The following CAMK2A variants were observed in gnomAD, a reference collection of about 807,000 sequenced individuals.
CAMK2A encodes calcium/calmodulin-dependent protein kinase type II subunit alpha.
CAMK2A carries 7 observed loss-of-function variants against 79.2 expected under a neutral mutation model. The ratio of observed to expected loss-of-function variants is 0.09; its 90% CI spans 0.05 to 0.17. The LOEUF (loss-of-function observed/expected upper bound fraction) is 0.17, where lower values mean the gene tolerates loss of function less well. Ranked by LOEUF, CAMK2A falls within the 10% of genes least tolerant of loss-of-function variation. The probability of loss-of-function intolerance (pLI) is 1.00; values close to 1 mark genes in which losing one functional copy is unlikely to be tolerated. For synonymous variants in CAMK2A, 242 were observed against 251.7 expected (o/e 0.96, Z 0.36); for missense variants, 214 against 646.4 (o/e 0.33, Z 7.25).
Position 150,238,735 on chromosome 5 carries a change from C to T in CAMK2A, c.1031G>A (p.Ser344Asn). The T allele has an allele frequency of 6.2e-7, 1 of 1,607,326 alleles. No individual in the cohort carries two copies. The highest frequency in any genetic ancestry group is 8.5e-7 in the Non-Finnish European group (1 of 1,176,286). The change falls in exon 15 of 19, where the codon AGC (serine) becomes AAC (asparagine). Residue 344 changes from serine (S) to asparagine (N), a missense_variant. By Grantham distance (46) the Ser-to-Asn change is conservative. Transcript: ENST00000671881. ...SSVQLMESSESTNTTIEDEDT... is the reference protein window; with the variant it reads ...SSVQLMESSENTNTTIEDEDT... ...TTCATCCTCGATGGTGGTGTTGGTGCTCTCTGAGGATTCCTGCCAAAGAGA... is the reference window on the plus strand; with the variant it reads ...TTCATCCTCGATGGTGGTGTTGGTGTTCTCTGAGGATTCCTGCCAAAGAGA...
In CAMK2A at chr5:150,222,556, A is replaced by G. The variant is rs777509465; in HGVS notation, c.*154T>C. Reference sequence around the variant, plus strand: ...GAAGTTGCGATGACTTTTGTGAACAAGCAGGTTTTCTTGATGCAGGTACAG... The same window carrying G: ...GAAGTTGCGATGACTTTTGTGAACAGGCAGGTTTTCTTGATGCAGGTACAG... On this transcript the variant is annotated 3_prime_UTR_variant, in exon 19 of 19. Coordinates refer to ENST00000671881, the MANE Select transcript of CAMK2A (RefSeq NM_015981.4). 3.6e-6 allele frequency: 3 copies of G among 831,780 alleles called. No homozygotes were observed. Among genetic ancestry groups the G allele is most frequent in the Admixed American group, 2.0e-5 (1 of 50,640 alleles). 51.5% of individuals were successfully genotyped at this position (831,780 alleles called of 1,614,324 possible).
intron 13 of CAMK2A, among the ~76,000 whole-genome samples, chr5:150,244,611 C>T (rs1323149593): frequency 6.6e-6 from 1 of 152,176 alleles, no homozygotes; most frequent in African/African-American, 2.4e-5. Flanking sequence ...CAGGGCAGGC[C>T]CTTGGAGCCG....
At chr5:150,251,722 G>A (rs1459311848) in intron 9 of CAMK2A, 28 bp downstream of exon 9, 1 of 1,521,804 alleles carries the variant, frequency 6.6e-7, no homozygotes. Flanking sequence ...AGAGGATGAT[G>A]GGAGCTGAAG....
At position 150,283,520 on chromosome 5, in the gene CAMK2A, G is replaced by A. The variant is rs1864960; in HGVS notation, c.62+6044C>T. 9.2e-5 allele frequency among the ~76,000 whole-genome samples: 14 copies of A among 152,180 alleles called. No individual in the cohort carries two copies. In the South Asian group the frequency reaches 1.9e-3, roughly 20 times the overall value. ...CTCCCGAGTAGCTGGAACTACAGGC[G>A]TGCACCACTGTGCCCAGCTAACCTC... On this transcript the variant is annotated intron_variant, in intron 1 of 18. Transcript: ENST00000671881.
Position 150,223,205 on chromosome 5 carries a change from T to C in CAMK2A, c.1250A>G (p.Asn417Ser). The change falls in exon 18 of 19, where the codon AAC becomes AGC. Residue 417 changes from asparagine (N) to serine (S), a missense_variant. By Grantham distance (46) the Asn-to-Ser change is conservative. Around this residue, in one of 4 missense-constraint regions of CAMK2A, gnomAD observed 123 missense variants for 242.4 expected, o/e 0.51. Coordinates refer to ENST00000671881, the MANE Select transcript of CAMK2A (RefSeq NM_015981.4). The surrounding 1 kb of genome is among the most constrained non-coding windows in gnomAD (Gnocchi z 4.1). Reference protein sequence around the residue: ...RFYFENLWSRNSKPVHTTILN... With the variant: ...RFYFENLWSRSSKPVHTTILN... ...GATGGTGGTGTGCACGGGCTTGCTG[T>C]TCCGGGACCACACTGGAGGAGGGGA... 1.2e-6 allele frequency: 2 copies of C among 1,613,544 alleles called. No individual in the cohort carries two copies. Among genetic ancestry groups the C allele is most frequent in the African/African-American group, 2.7e-5 (2 of 75,062 alleles).
intron 2 of CAMK2A, among the ~76,000 whole-genome samples, chr5:150,272,383 G>A (rs1340862763): frequency 6.6e-6 from 1 of 152,140 alleles, no homozygotes; most frequent in Non-Finnish European, 1.5e-5. Flanking sequence ...TGGCCAACAT[G>A]GTGAAACCCC....
chr5:150,222,724 C>T lies in CAMK2A; in HGVS notation c.1467-11G>A. 6.2e-7 allele frequency: 1 copy of T among 1,614,082 alleles called. No individual in the cohort carries two copies. The highest frequency in any genetic ancestry group is 1.7e-5 in the Admixed American group (1 of 60,028). The stretch of plus-strand genomic sequence containing the variant: ...AGCCTGGTCCCTCAGCTGTAAGACA[C>T]ACACGGGGTGCTTCTCAGGGCATGG... On this transcript the variant is annotated splice_polypyrimidine_tract_variant and intron_variant, in intron 18 of 18. Coordinates refer to ENST00000671881, the MANE Select transcript of CAMK2A (RefSeq NM_015981.4).
At chr5:150,288,309 T>C (rs918367556) in intron 1 of CAMK2A, among the ~76,000 whole-genome samples, 11 of 152,024 alleles carry the variant, frequency 7.2e-5, no homozygotes, top group African/African-American at 2.7e-4. Context: ...ATTTAATGAG[T>C]CATGTTTACA....
intron 13 of CAMK2A, among the ~76,000 whole-genome samples, chr5:150,242,369 G>T (rs1477523387): frequency 6.6e-6 from 1 of 152,152 alleles, no homozygotes; most frequent in Admixed American, 6.5e-5. Context: ...GAAACAGTAT[G>T]GTCAAAATTA....
chr5:150,278,700 G>C (rs890293737), intron 1 of CAMK2A, among the ~76,000 whole-genome samples: 1 of 152,102 alleles, frequency 6.6e-6, no homozygotes, highest in Non-Finnish European at 1.5e-5. Flanking sequence ...TGAATTCCTC[G>C]AGGGGTGTAG....
intron 9 of CAMK2A, among the ~76,000 whole-genome samples, chr5:150,251,365 C>T (rs540912838): frequency 3.9e-5 from 6 of 152,232 alleles, no homozygotes; most frequent in Non-Finnish European, 7.4e-5. Context: ...ATGTCAGCTT[C>T]TCTATATGTA....
At position 150,223,268 on chromosome 5, in the gene CAMK2A, T is replaced by C. The variant is rs747308896; in HGVS notation, c.1238-51A>G. The C allele has an allele frequency of 7.0e-6, 10 of 1,437,926 alleles. No homozygotes were observed. In the Admixed American group the frequency reaches 1.8e-4, roughly 26 times the overall value. 89.1% of individuals were successfully genotyped at this position (1,437,926 alleles called of 1,614,324 possible). On this transcript the variant is annotated intron_variant, in intron 17 of 18. Coordinates refer to ENST00000671881, the MANE Select transcript of CAMK2A (RefSeq NM_015981.4). This position sits in a 1 kb window ranked among gnomAD's most constrained non-coding sequence, Gnocchi z 4.1. ...AGGAGATGCAACCGGGGGCCTCCTG[T>C]CTCACTTTCTTCACTTTCTCCACTC...
At chr5:150,273,294 CT>C (rs753746773) in intron 1 of CAMK2A, 135 bp from the exon 2 acceptor site, 131 of 642,124 alleles carry the variant, frequency 2.0e-4, no homozygotes, top group Non-Finnish European at 3.3e-4. Context: ...ACAGGGGCTT[CT>C]GTGACCCAAC....
intron 2 of CAMK2A, among the ~76,000 whole-genome samples, chr5:150,272,784 G>A (rs941716233): frequency 6.6e-6 from 1 of 151,944 alleles, no homozygotes; most frequent in Non-Finnish European, 1.5e-5. Flanking sequence ...CAAGTGGCAA[G>A]AGAGTAGGGA....
intron 1 of CAMK2A, among the ~76,000 whole-genome samples, chr5:150,288,009 C>T (rs1286280619): frequency 1.3e-5 from 2 of 150,418 alleles, no homozygotes; most frequent in Non-Finnish European, 3.0e-5. Context: ...GTCACAGGGC[C>T]ACCTCCCACA....
At chr5:150,245,071 G>T in intron 13 of CAMK2A, 90 bp downstream of exon 13, 1 of 1,308,802 alleles carries the variant, frequency 7.6e-7, no homozygotes, top group Non-Finnish European at 1.1e-6. Flanking sequence ...CATCAGCAAG[G>T]CCCGGGTCTT....
intron 1 of CAMK2A, among the ~76,000 whole-genome samples, chr5:150,287,935 C>CTGTGTG (rs1491510823): frequency 8.7e-6 from 1 of 114,390 alleles, no homozygotes; most frequent in African/African-American, 3.6e-5. Context: ...GTAGGATAGC[C>CTGTGTG]TCTGTGTGTG....
Position 150,273,115 on chromosome 5 carries a change from C to A in CAMK2A, c.107G>T (p.Gly36Val). 1 of 1,613,812 alleles carries A rather than the reference C, an allele frequency of 6.2e-7. No individual in the cohort carries two copies. The highest frequency in any genetic ancestry group is 8.5e-7 in the Non-Finnish European group (1 of 1,179,982). The change falls in exon 2 of 19, where the codon GGC becomes GTC. Residue 36 changes from glycine (G) to valine (V), a missense_variant. Physicochemically the swap from Gly to Val is moderately radical, Grantham distance 109. Coordinates refer to ENST00000671881, the MANE Select transcript of CAMK2A (RefSeq NM_015981.4). ...GATGATCTTGGCAGCATACTCCTGG[C>A]CAGCCAGCACCTTCACACACCTTCG... ...VVRRCVKVLA[G>V]QEYAAKIINT...
intron 15 of CAMK2A, among the ~76,000 whole-genome samples, chr5:150,236,836 T>G (rs1277174782): frequency 1.3e-5 from 2 of 152,230 alleles, no homozygotes; most frequent in Non-Finnish European, 2.9e-5. Flanking sequence ...GACTTGACCC[T>G]ACCAGGGAAT....
Sources: allele counts gnomAD v4.1 joint callset (sites outside exome capture counted in the v4.1 genomes callset), GRCh38; gene constraint gnomAD v4.1.1; regional missense constraint gnomAD v4.1.1; non-coding constraint Gnocchi (gnomAD v3.1); transcripts MANE v1.5; gene names NCBI Gene and HGNC (gene_info 2026-07-23, HGNC 2026-07-21).